TNS3: variants seen among roughly 807,000 people sequenced by gnomAD.
TNS3 encodes tensin 3, also known as tensin-3.
In TNS3, 45 loss-of-function variants were observed where a neutral mutation model predicts 140.9. The ratio of observed to expected loss-of-function variants is 0.32; its 90% CI spans 0.25 to 0.41. TNS3 has a LOEUF of 0.41. TNS3 is among the 10% of genes least tolerant of loss of function. The pLI, the probability that TNS3 is intolerant of heterozygous loss-of-function variation, is 1.00. For missense variants in TNS3, 1,716 were observed against 1,906.7 expected, an observed-to-expected ratio of 0.90 and a Z score of 1.86; for synonymous variants, 815 against 788.4, an observed-to-expected ratio of 1.03 and a Z score of -0.56.
chr7:47,408,117 AG>A (rs1793546516), intron 13 of TNS3, among the ~76,000 whole-genome samples: 1 of 152,150 alleles, frequency 6.6e-6, no homozygotes, highest in South Asian at 2.1e-4. Context: ...AGGAGATGGC[AG>A]GCTGGAGAAC....
intron 3 of TNS3, among the ~76,000 whole-genome samples, chr7:47,485,691 C>T (rs972410228): frequency 1.3e-5 from 2 of 152,232 alleles, no homozygotes; most frequent in African/African-American, 4.8e-5. Flanking sequence ...CTCTGAGAAG[C>T]CTGTTTGGGA....
chr7:47,505,215 T>C (rs1798370364), intron 3 of TNS3, among the ~76,000 whole-genome samples: 1 of 152,014 alleles, frequency 6.6e-6, no homozygotes. Flanking sequence ...CCAGTCCTCC[T>C]AGGGGAGGGG....
chr7:47,352,377 C>T (rs934000306), intron 17 of TNS3, among the ~76,000 whole-genome samples: 17 of 152,226 alleles, frequency 1.1e-4, no homozygotes, highest in African/African-American at 3.1e-4. Context: ...CTCACACTCA[C>T]GCACAGTCTC....
rs1020613284 is a variant in TNS3 at position 47,577,937 on chromosome 7, CACAG to C, written c.-265+4110_-265+4113del. ...CTCTGCCAGAGGGAATTTTCTAGAT[CACAG>C]ACATAGAATCCTTCAGTATAATCTT... On this transcript the variant is annotated intron_variant, in intron 1 of 30. Transcript: ENST00000311160. Among the ~76,000 whole-genome samples, 179 of 151,968 alleles carry C rather than the reference CACAG, an allele frequency of 1.2e-3. 1 individual carries two copies. Among genetic ancestry groups the C allele is most frequent in the African/African-American group, 3.8e-3 (157 of 41,448 alleles).
chr7:47,411,511 T>G (rs1348598768), intron 13 of TNS3, among the ~76,000 whole-genome samples: 1 of 151,900 alleles, frequency 6.6e-6, no homozygotes, highest in Non-Finnish European at 1.5e-5. Context: ...TCATGCTCGC[T>G]CGCTGGCCCG....
intron 13 of TNS3, among the ~76,000 whole-genome samples, chr7:47,409,185 A>G (rs952563737): frequency 1.3e-5 from 2 of 152,008 alleles, no homozygotes; most frequent in African/African-American, 4.8e-5. Context: ...AGGGTGGGAG[A>G]GAAGAGAGGG....
At chr7:47,490,881 T>G (rs1433406853) in intron 3 of TNS3, among the ~76,000 whole-genome samples, 2 of 152,172 alleles carry the variant, frequency 1.3e-5, no homozygotes, top group Non-Finnish European at 2.9e-5. Flanking sequence ...TGCCCAGCAA[T>G]GCGCACAGCC....
At chr7:47,301,678 GCT>G (rs921455136) in intron 23 of TNS3, among the ~76,000 whole-genome samples, 33 of 151,018 alleles carry the variant, frequency 2.2e-4, no homozygotes, top group Non-Finnish European at 3.1e-4. Flanking sequence ...GCAGAGAGAT[GCT>G]CTGTCTGGTT....
chr7:47,483,926 A>C (rs1179060832), intron 3 of TNS3, among the ~76,000 whole-genome samples: 3 of 152,268 alleles, frequency 2.0e-5, no homozygotes, highest in African/African-American at 7.2e-5. Flanking sequence ...GAAATGAAGC[A>C]GACTGGTCCC....
intron 1 of TNS3, among the ~76,000 whole-genome samples, chr7:47,569,452 G>A (rs918347080): frequency 6.6e-6 from 1 of 152,172 alleles, no homozygotes; most frequent in African/African-American, 2.4e-5. Context: ...GCTGAGGCAG[G>A]AGAATTGCTC....
intron 17 of TNS3, among the ~76,000 whole-genome samples, chr7:47,364,426 G>C (rs1790575290): frequency 6.6e-6 from 1 of 152,050 alleles, no homozygotes; most frequent in South Asian, 2.1e-4. Flanking sequence ...GGAATTACAG[G>C]CATGCACCAC....
chr7:47,358,902 C>T (rs1790158956), intron 17 of TNS3, among the ~76,000 whole-genome samples: 2 of 152,204 alleles, frequency 1.3e-5, no homozygotes, highest in Non-Finnish European at 2.9e-5. Context: ...AGCCCACTCC[C>T]AGTGCAGCTT....
chr7:47,460,439 T>TA (rs1796441527), intron 4 of TNS3, among the ~76,000 whole-genome samples: 1 of 152,122 alleles, frequency 6.6e-6, no homozygotes, highest in Non-Finnish European at 1.5e-5. Context: ...TGCTTTGTCT[T>TA]GGCAGCCTAA....
intron 1 of TNS3, among the ~76,000 whole-genome samples, chr7:47,546,131 A>T (rs1423674923): frequency 6.6e-6 from 1 of 151,722 alleles, no homozygotes; most frequent in African/African-American, 2.4e-5. Context: ...CCCCGACCCC[A>T]CTCCTCTACT....
At chr7:47,356,229 T>G (rs949819212) in intron 17 of TNS3, among the ~76,000 whole-genome samples, 32 of 152,178 alleles carry the variant, frequency 2.1e-4, no homozygotes, top group Non-Finnish European at 4.0e-4. Flanking sequence ...CAAAGGCCAT[T>G]GTCCACCTTT....
chr7:47,336,134 T>C (rs1247718981), intron 20 of TNS3, among the ~76,000 whole-genome samples: 2 of 151,850 alleles, frequency 1.3e-5, no homozygotes, highest in Non-Finnish European at 2.9e-5. Flanking sequence ...GAAAGATCTC[T>C]TTGGTCACTT....
chr7:47,447,254 G>T (rs1264262060), intron 4 of TNS3, among the ~76,000 whole-genome samples: 1 of 140,862 alleles, frequency 7.1e-6, no homozygotes, highest in Non-Finnish European at 1.5e-5. Context: ...ACATATGTTT[G>T]TTTGTTTGTT....
chr7:47,286,090 T>A (rs1243162736), intron 27 of TNS3, among the ~76,000 whole-genome samples: 1 of 152,184 alleles, frequency 6.6e-6, no homozygotes, highest in East Asian at 1.9e-4. Flanking sequence ...GTCATGCTGA[T>A]CATGCAGTTA....
At chr7:47,329,982 ATC>A (rs1439780443) in intron 20 of TNS3, among the ~76,000 whole-genome samples, 2 of 152,160 alleles carry the variant, frequency 1.3e-5, no homozygotes, top group African/African-American at 2.4e-5. Context: ...TCTTCTGGAG[ATC>A]TGTTTATCTT....
Sources: gnomAD v4.1 joint callset for allele counts (sites outside exome capture counted in the v4.1 genomes callset) on GRCh38, gnomAD v4.1.1 for gene constraint, MANE v1.5 for transcripts, NCBI Gene and HGNC (gene_info 2026-07-23, HGNC 2026-07-21) for gene names.